The following PSMG2 variants were observed in gnomAD, a reference collection of about 807,000 sequenced individuals.
PSMG2 encodes the protein proteasome assembly chaperone 2.
In PSMG2, 21 loss-of-function variants were observed where a neutral mutation model predicts 31.5. The ratio of observed to expected loss-of-function variants is 0.67; its 90% CI spans 0.47 to 0.96. PSMG2 has a LOEUF of 0.96. PSMG2 is among the 40% of genes least tolerant of loss of function. The pLI is 0.00. For missense variants in PSMG2, 318 were observed against 321.2 expected, an observed-to-expected ratio of 0.99 and a Z score of 0.08; for synonymous variants, 120 against 110.4, an observed-to-expected ratio of 1.09 and a Z score of -0.54.
At chr18:12,683,186 C>CAAAAAAAAAAAAAAAAAAAAAAAAAA (rs765652085) in intron 1 of PSMG2, among the ~76,000 whole-genome samples, 17 of 63,674 alleles carry the variant, frequency 2.7e-4, no homozygotes, top group Middle Eastern at 0.014. Context: ...CTAAAAATAC[C>CAAAAAAAAAAAAAAAAAAAAAAAAAA]AAAAAAAAAA....
chr18:12,681,228 TCA>T (rs2039337808), intron 1 of PSMG2, among the ~76,000 whole-genome samples: 3 of 146,860 alleles, frequency 2.0e-5, no homozygotes, highest in African/African-American at 7.4e-5. Context: ...TATAAAGAAC[TCA>T]CACAACACAG....
At chr18:12,717,099 A>C (rs1179424861) in intron 3 of PSMG2, among the ~76,000 whole-genome samples, 1 of 151,050 alleles carries the variant, frequency 6.6e-6, no homozygotes, top group Non-Finnish European at 1.5e-5. Flanking sequence ...ACAGACGTGC[A>C]CTACCATGTG....
At chr18:12,680,647 AC>A (rs755484034) in intron 1 of PSMG2, 1 of 1,563,108 alleles carries the variant, frequency 6.4e-7, no homozygotes. Context: ...ATCCTTATAA[AC>A]TTAGTAAACT....
intron 1 of PSMG2, among the ~76,000 whole-genome samples, chr18:12,669,407 T>A (rs2038883858): frequency 6.6e-6 from 1 of 151,926 alleles, no homozygotes; most frequent in African/African-American, 2.4e-5. Context: ...CCACCGCGCC[T>A]GGCCCCAATT....
At chr18:12,669,672 T>C (rs2038890394) in intron 1 of PSMG2, among the ~76,000 whole-genome samples, 1 of 152,204 alleles carries the variant, frequency 6.6e-6, no homozygotes, top group Non-Finnish European at 1.5e-5. Context: ...ACAACTTTTA[T>C]GACAGCTAAA....
chr18:12,724,419 G>A (rs778239206), intron 5 of PSMG2, 80 bp from the exon 6 acceptor site: 5 of 1,359,418 alleles, frequency 3.7e-6, no homozygotes, highest in African/African-American at 3.0e-5. Context: ...GTAGGTTATC[G>A]TAGCTGTAAA....
rs1023909901 is a variant in PSMG2 at position 12,724,482 on chromosome 18, A to C, written c.582-17A>C. 6.3e-7 allele frequency: 1 copy of C among 1,583,066 alleles called. No individual in the cohort carries two copies. Among genetic ancestry groups the C allele is most frequent in the Non-Finnish European group, 8.6e-7 (1 of 1,167,850 alleles). On this transcript the variant is annotated splice_polypyrimidine_tract_variant and intron_variant, in intron 5 of 6. Coordinates refer to ENST00000317615, the MANE Select transcript of PSMG2 (RefSeq NM_020232.5). ...ACCCTATGAAAGAATACTGATTCTT[A>C]TTTTTATTTCTTGTAGCTGTTCTAA...
rs71371298 is a variant in PSMG2 at position 12,708,700 on chromosome 18, C to CTTTT, written c.229+1998_229+2001dup. ...TAATTCATTTAATCTTTACAACGTT[C>CTTTT]TTTTTTTTTTTTTTTTTTTTTTGAG... On this transcript the variant is annotated intron_variant, in intron 2 of 6. Coordinates refer to ENST00000317615, the MANE Select transcript of PSMG2 (RefSeq NM_020232.5). Among the ~76,000 whole-genome samples the CTTTT allele has an allele frequency of 1.0e-3, 89 of 88,698 alleles. 1 individual carries two copies. Among genetic ancestry groups the CTTTT allele is most frequent in the African/African-American group, 2.3e-3 (53 of 23,062 alleles). 58.2% of individuals were successfully genotyped at this position (88,698 alleles called of 152,430 possible).
At chr18:12,695,391 C>CTA in intron 1 of PSMG2, 2 of 991,700 alleles carry the variant, frequency 2.0e-6, no homozygotes, top group East Asian at 2.6e-5. Flanking sequence ...GATTTCAATA[C>CTA]TATATATATT....
intron 1 of PSMG2, chr18:12,672,535 G>T: frequency 2.5e-6 from 1 of 404,774 alleles, no homozygotes; most frequent in Non-Finnish European, 3.3e-6. Context: ...TCACATATAT[G>T]CTGATTTTTT....
chr18:12,694,241 A>G (rs1465618530), intron 1 of PSMG2, among the ~76,000 whole-genome samples: 4 of 152,216 alleles, frequency 2.6e-5, no homozygotes, highest in Non-Finnish European at 4.4e-5. Flanking sequence ...GTTTAAAGAA[A>G]ACAGGGCAGG....
chr18:12,725,627 A>C lies in PSMG2; in HGVS notation c.*96A>C. 1 of 815,110 alleles carries C rather than the reference A, an allele frequency of 1.2e-6. No individual in the cohort carries two copies. Among genetic ancestry groups the C allele is most frequent in the Non-Finnish European group, 1.8e-6 (1 of 549,152 alleles). 50.5% of individuals were successfully genotyped at this position (815,110 alleles called of 1,614,324 possible). On this transcript the variant is annotated 3_prime_UTR_variant, in exon 7 of 7. Coordinates refer to ENST00000317615, the MANE Select transcript of PSMG2 (RefSeq NM_020232.5). ...AAAAATTGTATGATCTGGTATTAGG[A>C]AATTACTTTCACAGTAAATATCAAA...
chr18:12,724,484 T>C lies in PSMG2; in HGVS notation c.582-15T>C. 1 of 1,585,282 alleles carries C rather than the reference T, an allele frequency of 6.3e-7. No individual in the cohort carries two copies. The highest frequency in any genetic ancestry group is 8.6e-7 in the Non-Finnish European group (1 of 1,168,808). On this transcript the variant is annotated splice_polypyrimidine_tract_variant and intron_variant, in intron 5 of 6. Transcript: ENST00000317615. ...CCTATGAAAGAATACTGATTCTTAT[T>C]TTTATTTCTTGTAGCTGTTCTAAAG...
intron 2 of PSMG2, among the ~76,000 whole-genome samples, chr18:12,707,694 A>G (rs993660976): frequency 6.6e-6 from 1 of 152,156 alleles, no homozygotes; most frequent in Admixed American, 6.5e-5. Context: ...CCCAGTTACT[A>G]CCTTTGATGG....
At chr18:12,705,565 G>C (rs1455335653) in intron 1 of PSMG2, among the ~76,000 whole-genome samples, 1 of 143,592 alleles carries the variant, frequency 7.0e-6, no homozygotes, top group African/African-American at 2.7e-5. Flanking sequence ...GAGAGAGAGA[G>C]AGAGAGAGAG....
chr18:12,669,246 G>A lies in PSMG2; in HGVS notation c.-37+10473G>A, dbSNP rs150389184. ...TCCTGTCTCAGCCTCCCGAGTAGCT[G>A]GGAATACAGGCATGCGCCACCATGC... On this transcript the variant is annotated intron_variant, in intron 1 of 6. Coordinates refer to the PSMG2 transcript ENST00000585331. Among the ~76,000 whole-genome samples, 1,332 of 151,700 alleles carry A rather than the reference G, an allele frequency of 8.8e-3. 26 individuals carry two copies. Among genetic ancestry groups the A allele is most frequent in the African/African-American group, 0.03 (1,225 of 41,342 alleles).
chr18:12,680,959 G>GATT, intron 1 of PSMG2: 5 of 782,310 alleles, frequency 6.4e-6, no homozygotes, highest in Non-Finnish European at 9.6e-6. Context: ...AACACTTTGG[G>GATT]AGGCCAAGGC....
intron 2 of PSMG2, among the ~76,000 whole-genome samples, chr18:12,707,739 A>G (rs1013056890): frequency 6.6e-6 from 1 of 152,232 alleles, no homozygotes; most frequent in Non-Finnish European, 1.5e-5. Context: ...TCTTCTGTTT[A>G]CCATTTTAAG....
At chr18:12,672,082 T>A (rs1042051786) in intron 1 of PSMG2, among the ~76,000 whole-genome samples, 2 of 151,102 alleles carry the variant, frequency 1.3e-5, no homozygotes, top group African/African-American at 4.9e-5. Flanking sequence ...CCTCCCAAAG[T>A]GCTGGCATTA....
Sources: allele counts gnomAD v4.1 joint callset (sites outside exome capture counted in the v4.1 genomes callset), GRCh38; gene constraint gnomAD v4.1.1; transcripts MANE v1.5; gene names NCBI Gene and HGNC (gene_info 2026-07-23, HGNC 2026-07-21).